Variants in CCSER2 observed in about 807,000 individuals in gnomAD.
CCSER2 encodes serine-rich coiled-coil domain-containing protein 2.
In CCSER2, 46 loss-of-function variants were observed where a neutral mutation model predicts 92.3. The ratio of observed to expected loss-of-function variants is 0.50; its 90% confidence interval spans 0.39 to 0.64. CCSER2 has a LOEUF of 0.64. Among genes scored for constraint, CCSER2 ranks in the 30% least tolerant of loss-of-function variants. The probability of loss-of-function intolerance (pLI) is 0.00; values close to 1 mark genes in which losing one functional copy is unlikely to be tolerated. For missense variants in CCSER2, 1,244 were observed against 1,238.9 expected, an observed-to-expected ratio of 1.00 and a Z score of -0.06; for synonymous variants, 433 against 431.4, an observed-to-expected ratio of 1.00 and a Z score of -0.04.
intron 8 of CCSER2, among the ~76,000 whole-genome samples, chr10:84,471,995 T>C (rs141560750): frequency 6.6e-6 from 1 of 152,072 alleles, no homozygotes; most frequent in African/African-American, 2.4e-5. Context: ...TAAATTATAA[T>C]GTTTATGAAA....
chr10:84,357,845 C>T (rs2133100909), intron 1 of CCSER2, among the ~76,000 whole-genome samples: 1 of 152,334 alleles, frequency 6.6e-6, no homozygotes, highest in African/African-American at 2.4e-5. Context: ...TCCACAATAA[C>T]TTGTGCAGTT....
chr10:84,476,589 G>A (rs969914939), intron 8 of CCSER2, among the ~76,000 whole-genome samples: 2 of 151,674 alleles, frequency 1.3e-5, no homozygotes, highest in East Asian at 1.9e-4. Context: ...GACTACAGGT[G>A]CCCGCCACCA....
At chr10:84,479,880 T>C (rs1016204129) in intron 9 of CCSER2, among the ~76,000 whole-genome samples, 1 of 151,910 alleles carries the variant, frequency 6.6e-6, no homozygotes, top group South Asian at 2.1e-4. Flanking sequence ...GAGAAAAGGA[T>C]CATAGCTCTG....
chr10:84,438,598 A>G lies in CCSER2; in HGVS notation c.1955A>G (p.Asp652Gly), dbSNP rs1844330977. 1.2e-6 allele frequency: 2 copies of G among 1,613,368 alleles called. No homozygotes were observed. Among genetic ancestry groups the G allele is most frequent in the African/African-American group, 1.3e-5 (1 of 74,876 alleles). Residue 652 changes from aspartate to glycine, a missense_variant, in exon 6 of 10, where the codon GAT becomes GGT. Physicochemically the swap from Asp to Gly is moderately conservative, Grantham distance 94. Transcript: ENST00000372088. ...PFFQAQKMFVDVPENTVILDE... is the reference protein window; with the variant it reads ...PFFQAQKMFVGVPENTVILDE... ...TTCCAGGCTCAGAAGATGTTTGTTG[A>G]TGTACCAGAAAATACAGTGATACTG...
chr10:84,391,169 C>T, intron 3 of CCSER2: 3 of 818,256 alleles, frequency 3.7e-6, no homozygotes, highest in Non-Finnish European at 6.6e-6. Context: ...TCTTCAGTTG[C>T]CACAGCACTG....
At chr10:84,427,120 A>G (rs868239181) in intron 5 of CCSER2, among the ~76,000 whole-genome samples, 4 of 152,208 alleles carry the variant, frequency 2.6e-5, no homozygotes, top group African/African-American at 9.6e-5. Flanking sequence ...TTAAGGGACT[A>G]TGGTGTGGAT....
rs1227206516 is a variant in CCSER2, at chr10:84,515,262, T to TG, written c.*999dup. The TG allele has an allele frequency of 6.6e-6, 1 of 152,618 alleles. No individual in the cohort carries two copies. The highest frequency in any genetic ancestry group is 2.4e-5 in the African/African-American group (1 of 41,446). The allele number at this position is 152,618 out of a possible 1,614,324, so 9.5% of individuals were successfully genotyped here. On this transcript the variant is annotated 3_prime_UTR_variant, in exon 10 of 10. Transcript: ENST00000372088. Reference sequence around the variant, plus strand: ...TTGAAACATTTGCACAAAACTTTGATGGGGTATAAATATACCATATATAGG... The same window carrying TG: ...TTGAAACATTTGCACAAAACTTTGATGGGGGTATAAATATACCATATATAGG...
chr10:84,497,408 G>A (rs1848510950), intron 9 of CCSER2, among the ~76,000 whole-genome samples: 2 of 152,208 alleles, frequency 1.3e-5, no homozygotes, highest in African/African-American at 2.4e-5. Flanking sequence ...GGCGGTGGCA[G>A]GCAGCGCTGT....
chr10:84,490,532 C>A (rs1446073638), intron 9 of CCSER2, among the ~76,000 whole-genome samples: 1 of 152,170 alleles, frequency 6.6e-6, no homozygotes, highest in Admixed American at 6.5e-5. Context: ...TTGATCAAAT[C>A]GGCTACTGAA....
At chr10:84,453,889 A>G (rs1335692002) in intron 6 of CCSER2, among the ~76,000 whole-genome samples, 1 of 152,148 alleles carries the variant, frequency 6.6e-6, no homozygotes, top group Non-Finnish European at 1.5e-5. Flanking sequence ...CTCGTGTTAC[A>G]ATAATATTGC....
rs146893919 is a variant in CCSER2 at position 84,406,042 on chromosome 10, T to C, written c.1615-11729T>C. Among the ~76,000 whole-genome samples, 99 of 152,294 alleles carry C rather than the reference T, an allele frequency of 6.5e-4. 1 individual carries two copies. In the East Asian group the frequency reaches 0.017, roughly 26 times the overall value. On this transcript the variant is annotated intron_variant, in intron 3 of 9. Coordinates refer to ENST00000372088, the MANE Select transcript of CCSER2 (RefSeq NM_001284240.2). Reference sequence around the variant, plus strand: ...TATAGTAGTTAAAAACTAGAAAGAATCGAAATATCCTTCATTAGTAAACTG... The same window carrying C: ...TATAGTAGTTAAAAACTAGAAAGAACCGAAATATCCTTCATTAGTAAACTG...
intron 3 of CCSER2, among the ~76,000 whole-genome samples, chr10:84,411,429 T>G (rs1282573174): frequency 6.6e-6 from 1 of 152,204 alleles, no homozygotes; most frequent in African/African-American, 2.4e-5. Flanking sequence ...TTACCAACCA[T>G]CCATGAGTGT....
chr10:84,375,930 A>G (rs917273356), intron 3 of CCSER2, among the ~76,000 whole-genome samples: 1 of 148,358 alleles, frequency 6.7e-6, no homozygotes, highest in African/African-American at 2.5e-5. Context: ...CCTTTAGCAT[A>G]TTCTCACTTT....
chr10:84,397,169 A>AT (rs1841888683), intron 3 of CCSER2, among the ~76,000 whole-genome samples: 1 of 152,142 alleles, frequency 6.6e-6, no homozygotes, highest in Non-Finnish European at 1.5e-5. Context: ...TTCTACTCTT[A>AT]CCTAAAGCTT....
intron 6 of CCSER2, among the ~76,000 whole-genome samples, chr10:84,441,817 C>T (rs1053833028): frequency 6.2e-5 from 8 of 128,694 alleles, no homozygotes; most frequent in African/African-American, 1.2e-4. Flanking sequence ...AGTGCAGTGG[C>T]GCGATCTCGG....
intron 3 of CCSER2, among the ~76,000 whole-genome samples, chr10:84,411,733 A>G (rs1464797433): frequency 2.0e-5 from 3 of 152,212 alleles, no homozygotes; most frequent in Non-Finnish European, 4.4e-5. Flanking sequence ...TTTTCTAGAT[A>G]TAGAATTATC....
intron 4 of CCSER2, among the ~76,000 whole-genome samples, chr10:84,420,154 G>A (rs1843069092): frequency 6.6e-6 from 1 of 152,190 alleles, no homozygotes; most frequent in Non-Finnish European, 1.5e-5. Context: ...GGATCTTAGA[G>A]CCTGCCTTAT....
chr10:84,496,884 T>C (rs1215847910), intron 9 of CCSER2, among the ~76,000 whole-genome samples: 1 of 152,196 alleles, frequency 6.6e-6, no homozygotes, highest in East Asian at 1.9e-4. Context: ...TATTGTGTTT[T>C]ATATATAGTG....
intron 6 of CCSER2, among the ~76,000 whole-genome samples, chr10:84,445,429 AGGC>A: frequency 6.6e-6 from 1 of 152,252 alleles, no homozygotes; most frequent in Non-Finnish European, 1.5e-5. Flanking sequence ...CTGGGATTAC[AGGC>A]GTGAGCCACC....
Sources: gnomAD v4.1 joint callset for allele counts (sites outside exome capture counted in the v4.1 genomes callset) on GRCh38, gnomAD v4.1.1 for gene constraint, MANE v1.5 for transcripts, NCBI Gene and HGNC (gene_info 2026-07-23, HGNC 2026-07-21) for gene names.